Variants in PIEZO2 observed in about 807,000 individuals in gnomAD.
The protein encoded by PIEZO2 is piezo type mechanosensitive ion channel component 2, also known as piezo-type mechanosensitive ion channel component 2.
PIEZO2 carries 172 observed loss-of-function variants against 337.3 expected under a neutral mutation model. The observed-to-expected ratio is 0.51, with a 90% confidence interval of 0.45 to 0.58. PIEZO2 has a LOEUF of 0.58. Ranked by LOEUF, PIEZO2 falls within the 20% of genes least tolerant of loss-of-function variation. The probability of loss-of-function intolerance (pLI) is 0.00; values close to 1 mark genes in which losing one functional copy is unlikely to be tolerated. For missense variants in PIEZO2, 3,028 were observed against 3,391.3 expected (o/e 0.89, Z 2.66); for synonymous variants, 1,251 against 1,228.5 (o/e 1.02, Z -0.38).
intron 35 of PIEZO2, among the ~76,000 whole-genome samples, chr18:10,734,253 G>GCTTCTCCTACA (rs2036904633): frequency 6.6e-6 from 1 of 152,202 alleles, no homozygotes; most frequent in Non-Finnish European, 1.5e-5. Flanking sequence ...AAGCAGAAAT[G>GCTTCTCCTACA]GTAAATACTA....
At chr18:11,124,528 A>T (rs2040127093) in intron 1 of PIEZO2, among the ~76,000 whole-genome samples, 4 of 152,222 alleles carry the variant, frequency 2.6e-5, no homozygotes, top group Non-Finnish European at 5.9e-5. Flanking sequence ...TCAGCACCTT[A>T]AACCTTTGCA....
At chr18:10,793,652 G>A (rs2039485341) in intron 13 of PIEZO2, among the ~76,000 whole-genome samples, 1 of 152,194 alleles carries the variant, frequency 6.6e-6, no homozygotes. Context: ...GTGTGGGTCT[G>A]TGTTTAAGAG....
chr18:11,080,472 G>A lies in PIEZO2; in HGVS notation c.65-14250C>T, dbSNP rs2038699188. Reference sequence around the variant, plus strand: ...CTGTGTCCTCAGAGAACCTAGCATAGTGCCTTGCACATAATAAGCCTGTGA... The same window carrying A: ...CTGTGTCCTCAGAGAACCTAGCATAATGCCTTGCACATAATAAGCCTGTGA... On this transcript the variant is annotated intron_variant, in intron 1 of 55. Transcript: ENST00000674853. This position sits in a 1 kb window ranked among gnomAD's most constrained non-coding sequence, Gnocchi z 5.4. 6.6e-6 allele frequency among the ~76,000 whole-genome samples: 1 copy of A among 152,218 alleles called. No homozygotes were observed. Among genetic ancestry groups the A allele is most frequent in the Non-Finnish European group, 1.5e-5 (1 of 68,038 alleles).
In PIEZO2 at chr18:11,064,575, A is replaced by C. The variant is rs191187595; in HGVS notation, c.160+1552T>G. Among the ~76,000 whole-genome samples, 680 of 152,292 alleles carry C rather than the reference A, an allele frequency of 4.5e-3. 2 individuals carry two copies. Among genetic ancestry groups the C allele is most frequent in the Non-Finnish European group, 6.7e-3 (454 of 68,028 alleles). On this transcript the variant is annotated intron_variant, in intron 2 of 55. Coordinates refer to ENST00000674853, the MANE Select transcript of PIEZO2 (RefSeq NM_001378183.1). ...GTCCCTGATAGTGTCAGTCCTTGGC[A>C]CATCTGAGTATGAACTGATGTCCAT...
At chr18:11,025,898 G>C (rs1395168400) in intron 2 of PIEZO2, among the ~76,000 whole-genome samples, 2 of 152,162 alleles carry the variant, frequency 1.3e-5, no homozygotes, top group Non-Finnish European at 2.9e-5. Flanking sequence ...CTTAACTCCA[G>C]ACTATAAGAT....
At chr18:11,113,501 C>T (rs751681540) in intron 1 of PIEZO2, among the ~76,000 whole-genome samples, 2 of 152,142 alleles carry the variant, frequency 1.3e-5, no homozygotes, top group Non-Finnish European at 2.9e-5. Context: ...ATTCACTGTC[C>T]CATCCTTCTT....
chr18:10,780,250 T>C (rs1487221176), intron 18 of PIEZO2, 75 bp downstream of exon 18: 3 of 699,104 alleles, frequency 4.3e-6, no homozygotes, highest in Non-Finnish European at 7.8e-6. Flanking sequence ...TTTTCATGTA[T>C]AAAGCAGTTA....
rs530858235 is a variant in PIEZO2 at position 10,760,879 on chromosome 18, G to C, written c.3450+32C>G. 20 of 1,478,890 alleles carry C rather than the reference G, an allele frequency of 1.4e-5. No individual in the cohort carries two copies. The East Asian group carries it at 4.7e-4, about 35-fold the overall frequency. The allele number at this position is 1,478,890 out of a possible 1,614,324, so 91.6% of individuals were successfully genotyped here. On this transcript the variant is annotated intron_variant, in intron 24 of 55. Transcript: ENST00000674853. ...CAGTTCTTTGAATTTTCATGGAAAA[G>C]AGAAATAAAACATATCAGCAAGGAA...
intron 3 of PIEZO2, among the ~76,000 whole-genome samples, chr18:10,917,892 C>A (rs1270691181): frequency 6.6e-6 from 1 of 152,174 alleles, no homozygotes; most frequent in African/African-American, 2.4e-5. Context: ...GTTTCATTTA[C>A]ATTATTTTTA....
At chr18:10,865,492 T>G (rs1307269501) in intron 5 of PIEZO2, among the ~76,000 whole-genome samples, 1 of 152,052 alleles carries the variant, frequency 6.6e-6, no homozygotes, top group African/African-American at 2.4e-5. Context: ...TTCAAAGGAT[T>G]TGTTGGTGGT....
At position 11,024,757 on chromosome 18, in the gene PIEZO2, G is replaced by C. The variant is rs540747443; in HGVS notation, c.160+41370C>G. Among the ~76,000 whole-genome samples the C allele has an allele frequency of 1.6e-3, 237 of 151,756 alleles. 1 individual carries two copies. Among genetic ancestry groups the C allele is most frequent in the Non-Finnish European group, 2.8e-3 (190 of 67,914 alleles). ...CTGGATTCAAGTGATTCTCGTCTCA[G>C]CCTCCTGAGTAGCTGGGATTATAGG... On this transcript the variant is annotated intron_variant, in intron 2 of 55. Coordinates refer to ENST00000674853, the MANE Select transcript of PIEZO2 (RefSeq NM_001378183.1).
At chr18:10,825,844 C>A (rs925920959) in intron 7 of PIEZO2, among the ~76,000 whole-genome samples, 1 of 152,134 alleles carries the variant, frequency 6.6e-6, no homozygotes, top group African/African-American at 2.4e-5. Flanking sequence ...AGCCACCATG[C>A]CTGGCCTCCA....
chr18:10,930,214 G>T (rs264261), intron 3 of PIEZO2, among the ~76,000 whole-genome samples: 96,199 of 152,006 alleles, frequency 0.63, 30,999 homozygotes, highest in African/African-American at 0.75. Flanking sequence ...TTACTAGGTC[G>T]CTTTGGAGAG....
chr18:10,848,282 G>T (rs2041426596), intron 7 of PIEZO2, among the ~76,000 whole-genome samples: 1 of 152,158 alleles, frequency 6.6e-6, no homozygotes, highest in Non-Finnish European at 1.5e-5. Context: ...GCATATAATT[G>T]ATATTTTACA....
chr18:10,957,217 TA>T (rs1391366237), intron 3 of PIEZO2, among the ~76,000 whole-genome samples: 16 of 151,738 alleles, frequency 1.1e-4, no homozygotes, highest in African/African-American at 3.9e-4. Context: ...GCGAGCATGG[TA>T]AAACTCCATC....
At chr18:10,799,823 A>T (rs2039741532) in intron 11 of PIEZO2, among the ~76,000 whole-genome samples, 1 of 150,826 alleles carries the variant, frequency 6.6e-6, no homozygotes, top group Non-Finnish European at 1.5e-5. Flanking sequence ...AATACAAAAA[A>T]TTAGCCAGGC....
chr18:10,770,319 G>C lies in PIEZO2; in HGVS notation c.2786-11C>G. The C allele has an allele frequency of 1.3e-6, 2 of 1,533,542 alleles. No individual in the cohort carries two copies. Among genetic ancestry groups the C allele is most frequent in the Non-Finnish European group, 8.7e-7 (1 of 1,145,010 alleles). The allele number at this position is 1,533,542 out of a possible 1,614,324, so 95.0% of individuals were successfully genotyped here. On this transcript the variant is annotated splice_polypyrimidine_tract_variant and intron_variant, in intron 20 of 55. Coordinates refer to ENST00000674853, the MANE Select transcript of PIEZO2 (RefSeq NM_001378183.1). ...ATTTGTTCCTTAAGTCTGCAAAATA[G>C]GAAGTACAGACAAGAGCATAACATT... is the stretch of plus-strand genomic sequence containing the variant.
intron 2 of PIEZO2, among the ~76,000 whole-genome samples, chr18:11,051,492 T>C (rs964185256): frequency 2.6e-5 from 4 of 152,048 alleles, no homozygotes; most frequent in African/African-American, 9.7e-5. Context: ...TGTAGTCTTG[T>C]GATTTGGAGC....
At chr18:10,736,544 A>G in intron 34 of PIEZO2, 60 bp downstream of exon 34, 1 of 1,531,806 alleles carries the variant, frequency 6.5e-7, no homozygotes, top group Non-Finnish European at 8.7e-7. Context: ...CCTGCAATGA[A>G]GGTCCGTCAA....
Sources: allele counts gnomAD v4.1 joint callset (sites outside exome capture counted in the v4.1 genomes callset), GRCh38; gene constraint gnomAD v4.1.1; non-coding constraint Gnocchi (gnomAD v3.1); transcripts MANE v1.5; gene names NCBI Gene and HGNC (gene_info 2026-07-23, HGNC 2026-07-21).